Variants in BDP1 observed in about 807,000 individuals in gnomAD.
The protein encoded by BDP1 is BDP1 general transcription factor IIIB subunit.
Under a neutral mutation model 266.6 loss-of-function variants are expected in BDP1, and 169 were observed. The observed-to-expected ratio is 0.63, with a 90% CI of 0.56 to 0.72. BDP1 has a LOEUF of 0.72. Among genes scored for constraint, BDP1 ranks in the 30% least tolerant of loss-of-function variants. BDP1 has a pLI of 0.00. For missense variants in BDP1, 3,015 were observed against 3,053.8 expected (o/e 0.99, Z 0.30); for synonymous variants, 1,090 against 1,022.4 (o/e 1.07, Z -1.26).
At chr5:71,516,690 T>TA (rs1321696167) in intron 21 of BDP1, among the ~76,000 whole-genome samples, 4 of 152,210 alleles carry the variant, frequency 2.6e-5, no homozygotes, top group Non-Finnish European at 5.9e-5. Context: ...GATCAAGAAA[T>TA]ATGTTAGTTA....
chr5:71,532,441 T>C lies in BDP1; in HGVS notation c.5892+14T>C, dbSNP rs1766303030. On this transcript the variant is annotated intron_variant, in intron 26 of 38. Coordinates refer to ENST00000358731, the MANE Select transcript of BDP1 (RefSeq NM_018429.3). Reference sequence around the variant, plus strand: ...AGTGTACCGTTTGTAAGCATCCATTTTAATATGTTTTGGCCTTTTATTCTT... The same window carrying C: ...AGTGTACCGTTTGTAAGCATCCATTCTAATATGTTTTGGCCTTTTATTCTT... The C allele has an allele frequency of 6.2e-7, 1 of 1,611,536 alleles. No individual in the cohort carries two copies. Among genetic ancestry groups the C allele is most frequent in the Non-Finnish European group, 8.5e-7 (1 of 1,178,942 alleles).
At chr5:71,512,076 C>T (rs1764950971) in intron 17 of BDP1, among the ~76,000 whole-genome samples, 165 bp from the exon 18 acceptor site, 1 of 151,620 alleles carries the variant, frequency 6.6e-6, no homozygotes, top group Non-Finnish European at 1.5e-5. Flanking sequence ...AAAGGGTTTC[C>T]TGAATTCCAA....
Position 71,512,398 on chromosome 5 carries a change from T to A in BDP1, c.4217T>A (p.Val1406Asp). 1 of 1,571,362 alleles carries A rather than the reference T, an allele frequency of 6.4e-7. No homozygotes were observed. The highest frequency in any genetic ancestry group is 1.4e-5 in the African/African-American group (1 of 72,490). ...TEVQGIQSPD[V>D]PEQFSDINLS... ...GTCCAGGGGATTCAATCTCCAGATGTTCCAGAGCAGTTTTCAGATATTAAT... is the reference window on the plus strand; with the variant it reads ...GTCCAGGGGATTCAATCTCCAGATGATCCAGAGCAGTTTTCAGATATTAAT... Residue 1406 changes from valine (V) to aspartate (D), a missense_variant, in exon 18 of 39, where the codon GTT becomes GAT. Val to Asp is a radical substitution (Grantham distance 152). Around this residue, in one of 3 missense-constraint regions of BDP1, gnomAD observed 2,383 missense variants for 2,404.9 expected, o/e 0.99. Coordinates refer to ENST00000358731, the MANE Select transcript of BDP1 (RefSeq NM_018429.3).
At chr5:71,574,132 G>A in the BDP1 span, among the ~76,000 whole-genome samples, 1 of 152,156 alleles carries the variant, frequency 6.6e-6, no homozygotes, top group Non-Finnish European at 1.5e-5. Flanking sequence ...TTTAGCTGTT[G>A]ACAAATCTAA....
Position 71,504,932 on chromosome 5 carries a change from C to T in BDP1, c.2372+181C>T, listed in dbSNP as rs548402298. On this transcript the variant is annotated intron_variant, in intron 16 of 38. Transcript: ENST00000358731. ...TATGTTGTAGCCTTTATGTGAATTT[C>T]TCAGATGGTTTGAAGAAAGCTACTC... 9.7e-4 allele frequency among the ~76,000 whole-genome samples: 147 copies of T among 152,270 alleles called. 4 individuals are homozygous for T. In the South Asian group the frequency reaches 0.03, roughly 31 times the overall value.
intron 2 of BDP1, among the ~76,000 whole-genome samples, chr5:71,459,912 A>G (rs1403769132): frequency 6.6e-6 from 1 of 152,244 alleles, no homozygotes; most frequent in Admixed American, 6.5e-5. Flanking sequence ...TCAAATTTTC[A>G]GGTTAGAGAT....
chr5:71,504,272 CAAA>C (rs35372314), intron 15 of BDP1, among the ~76,000 whole-genome samples: 3 of 112,030 alleles, frequency 2.7e-5, no homozygotes, highest in Admixed American at 1.0e-4. Context: ...GACTCCGTCT[CAAA>C]AAAAAAAAAA....
Position 71,512,243 on chromosome 5 carries a change from C to A in BDP1, c.4062C>A (p.Asn1354Lys). The change falls in exon 18 of 39, where the codon AAC becomes AAA. Residue 1354 changes from asparagine to lysine, a missense_variant and splice_region_variant. Coordinates refer to ENST00000358731, the MANE Select transcript of BDP1 (RefSeq NM_018429.3). ...FSAVPSLDIQ[N>K]ISSEVLSMMH... ...ATTTACTATGACTGTTCCTCTAGAA[C>A]ATTAGCAGTGAAGTACTGTCGATGA... The A allele has an allele frequency of 1.4e-6, 2 of 1,468,056 alleles. No individual in the cohort carries two copies. The highest frequency in any genetic ancestry group is 1.8e-6 in the Non-Finnish European group (2 of 1,108,352). 90.9% of individuals were successfully genotyped at this position (1,468,056 alleles called of 1,614,324 possible).
intron 32 of BDP1, among the ~76,000 whole-genome samples, chr5:71,545,786 G>A (rs1021779036): frequency 2.0e-5 from 3 of 151,872 alleles, no homozygotes; most frequent in Non-Finnish European, 4.4e-5. Flanking sequence ...AGAGGAACGT[G>A]TGTGTAAAGA....
intron 26 of BDP1, among the ~76,000 whole-genome samples, chr5:71,532,979 G>C (rs1284762779): frequency 6.6e-6 from 1 of 152,092 alleles, no homozygotes; most frequent in East Asian, 1.9e-4. Context: ...TTTGCCTTCT[G>C]TCTTTATAGA....
At chr5:71,543,250 C>G (rs941479742) in intron 30 of BDP1, among the ~76,000 whole-genome samples, 2 of 152,048 alleles carry the variant, frequency 1.3e-5, no homozygotes, top group Admixed American at 1.3e-4. Flanking sequence ...CCACTGTACT[C>G]CGGCCTGGGC....
At chr5:71,469,402 G>A (rs1400926292) in intron 6 of BDP1, among the ~76,000 whole-genome samples, 1 of 152,076 alleles carries the variant, frequency 6.6e-6, no homozygotes, top group Non-Finnish European at 1.5e-5. Flanking sequence ...GCCTCCCAAA[G>A]TGCTGGTATT....
intron 25 of BDP1, among the ~76,000 whole-genome samples, chr5:71,531,468 G>A (rs985245264): frequency 2.6e-5 from 4 of 152,040 alleles, no homozygotes; most frequent in South Asian, 2.1e-4. Flanking sequence ...TGGGAGAAGG[G>A]AGTTGGTGTG....
intron 32 of BDP1, 53 bp downstream of exon 32, chr5:71,545,272 A>T: frequency 7.3e-7 from 1 of 1,371,314 alleles, no homozygotes; most frequent in East Asian, 2.4e-5. Flanking sequence ...CCTCCATTTA[A>T]AAAAAAAAAG....
At chr5:71,558,693 G>A (rs903962290) in intron 36 of BDP1, among the ~76,000 whole-genome samples, 1 of 152,062 alleles carries the variant, frequency 6.6e-6, no homozygotes, top group Non-Finnish European at 1.5e-5. Context: ...GGGCGTGGTG[G>A]CGGGCACCTG....
At position 71,512,231 on chromosome 5, in the gene BDP1, G is replaced by T; in HGVS notation, c.4060-10G>T. On this transcript the variant is annotated splice_polypyrimidine_tract_variant and intron_variant, in intron 17 of 38. Transcript: ENST00000358731. ...TTATTTGTGCTGATTTACTATGACT[G>T]TTCCTCTAGAACATTAGCAGTGAAG... 7.2e-7 allele frequency: 1 copy of T among 1,394,800 alleles called. No homozygotes were observed. Among genetic ancestry groups the T allele is most frequent in the Non-Finnish European group, 9.4e-7 (1 of 1,058,936 alleles). 86.4% of individuals were successfully genotyped at this position (1,394,800 alleles called of 1,614,324 possible).
At chr5:71,575,452 T>A in the BDP1 span, among the ~76,000 whole-genome samples, 1 of 152,194 alleles carries the variant, frequency 6.6e-6, no homozygotes, top group South Asian at 2.1e-4. Context: ...GCAGGACACA[T>A]AGAGGAGTCA....
chr5:71,472,492 C>T (rs1762313363), intron 7 of BDP1, among the ~76,000 whole-genome samples: 1 of 152,170 alleles, frequency 6.6e-6, no homozygotes, highest in African/African-American at 2.4e-5. Flanking sequence ...TTTAAAGCTA[C>T]TGAATTACAT....
intron 8 of BDP1, among the ~76,000 whole-genome samples, chr5:71,485,782 A>G (rs1763227313): frequency 6.6e-6 from 1 of 152,222 alleles, no homozygotes; most frequent in African/African-American, 2.4e-5. Context: ...TTATAAGAGT[A>G]AATGGTGAAA....
Sources: gnomAD v4.1 joint callset for allele counts (sites outside exome capture counted in the v4.1 genomes callset) on GRCh38, gnomAD v4.1.1 for gene constraint, gnomAD v4.1.1 regional missense constraint, MANE v1.5 for transcripts, NCBI Gene and HGNC (gene_info 2026-07-23, HGNC 2026-07-21) for gene names.